The following NCOA3 variants were observed in gnomAD, a reference collection of about 807,000 sequenced individuals.
NCOA3 encodes the protein nuclear receptor coactivator 3, also known as CBP-interacting protein.
A neutral mutation model predicts 158.8 loss-of-function variants in NCOA3; 51 were observed. That is an observed-to-expected ratio of 0.32 (90% CI 0.26 to 0.41). The LOEUF (loss-of-function observed/expected upper bound fraction) is 0.41, where lower values mean the gene tolerates loss of function less well. Ranked by LOEUF, NCOA3 falls within the 10% of genes least tolerant of loss-of-function variation. The pLI is 1.00. For missense variants in NCOA3, 1,510 were observed against 1,746.6 expected (o/e 0.86, Z 2.41); for synonymous variants, 537 against 592.4 (o/e 0.91, Z 1.36).
chr20:47,628,051 C>G, intron 8 of NCOA3, 28 bp downstream of exon 8: 1 of 1,519,024 alleles, frequency 6.6e-7, no homozygotes, highest in Non-Finnish European at 9.1e-7. Context: ...GTCTCTCTCT[C>G]TCTCTGTGTA....
At chr20:47,510,597 A>G (rs2084104826) in intron 1 of NCOA3, among the ~76,000 whole-genome samples, 1 of 151,914 alleles carries the variant, frequency 6.6e-6, no homozygotes, top group Admixed American at 6.6e-5. Flanking sequence ...GACTTTTAAA[A>G]ATTAATTCAA....
chr20:47,639,506 C>T, intron 14 of NCOA3, 71 bp from the exon 15 acceptor site: 2 of 1,564,580 alleles, frequency 1.3e-6, no homozygotes, highest in Admixed American at 1.8e-5. Context: ...TGTATAATGG[C>T]TGTACTTACA....
Position 47,636,343 on chromosome 20 carries a change from G to T in NCOA3, c.1957G>T (p.Val653Phe), listed in dbSNP as rs773689259. 2.5e-6 allele frequency: 4 copies of T among 1,614,142 alleles called. No homozygotes were observed. The South Asian group carries it at 4.4e-5, about 18-fold the overall frequency. Residue 653 changes from valine to phenylalanine, a missense_variant, in exon 12 of 23, where the codon GTC (valine) becomes TTC (phenylalanine). By Grantham distance (50) the Val-to-Phe change is conservative. This residue lies in a region of NCOA3 where 1,017 missense variants were observed against 1,098.3 expected (regional missense o/e 0.93). Coordinates refer to ENST00000371998, the MANE Select transcript of NCOA3 (RefSeq NM_181659.3). Reference protein sequence around the residue: ...DSSCKESSVSVTSPSGVSSST... With the variant: ...DSSCKESSVSFTSPSGVSSST... Reference sequence around the variant, plus strand: ...AAGTTGTAAAGAATCTTCTGTTAGTGTCACCAGCCCCTCTGGAGTCTCCTC... The same window carrying T: ...AAGTTGTAAAGAATCTTCTGTTAGTTTCACCAGCCCCTCTGGAGTCTCCTC...
intron 1 of NCOA3, among the ~76,000 whole-genome samples, chr20:47,514,399 T>A (rs1286326057): frequency 6.6e-6 from 1 of 152,102 alleles, no homozygotes; most frequent in Non-Finnish European, 1.5e-5. Flanking sequence ...ACAAATCTTT[T>A]TTTATTTTTT....
intron 2 of NCOA3, among the ~76,000 whole-genome samples, chr20:47,596,531 C>G (rs1202255815): frequency 6.6e-6 from 1 of 152,146 alleles, no homozygotes. Context: ...TTGATTTTAA[C>G]TGCTAATATA....
At chr20:47,587,601 G>A (rs1411886149) in intron 2 of NCOA3, among the ~76,000 whole-genome samples, 1 of 152,136 alleles carries the variant, frequency 6.6e-6, no homozygotes, top group Non-Finnish European at 1.5e-5. Context: ...TATGCTTTAA[G>A]TCATCTCTAG....
intron 2 of NCOA3, among the ~76,000 whole-genome samples, chr20:47,604,746 A>G (rs962852585): frequency 6.6e-6 from 1 of 152,134 alleles, no homozygotes; most frequent in African/African-American, 2.4e-5. Flanking sequence ...CCAATTCTTT[A>G]TCTCATTAAG....
At chr20:47,512,585 A>C (rs1371577468) in intron 1 of NCOA3, among the ~76,000 whole-genome samples, 1 of 151,486 alleles carries the variant, frequency 6.6e-6, no homozygotes, top group Non-Finnish European at 1.5e-5. Context: ...AAAAAAAAAA[A>C]AAAACACAAA....
In NCOA3 at chr20:47,656,546, C is replaced by CAA. The variant is rs72646217; in HGVS notation, c.*3132_*3133dup. The CAA allele has an allele frequency of 0.12, 18,001 of 152,492 alleles. 1,324 individuals are homozygous for CAA. Among genetic ancestry groups the CAA allele is most frequent in the African/African-American group, 0.2 (8,101 of 41,456 alleles). 9.4% of individuals were successfully genotyped at this position (152,492 alleles called of 1,614,324 possible). Reference sequence around the variant, plus strand: ...TTGTTCACAATTAGGTTCCTAGGAGCAAAACCTCAAGGATTGATTTATTGT... The same window carrying CAA: ...TTGTTCACAATTAGGTTCCTAGGAGCAAAAAACCTCAAGGATTGATTTATTGT... On this transcript the variant is annotated 3_prime_UTR_variant, in exon 23 of 23. Transcript: ENST00000371998.
At chr20:47,632,099 T>G (rs1031207219) in intron 8 of NCOA3, among the ~76,000 whole-genome samples, 2 of 152,232 alleles carry the variant, frequency 1.3e-5, no homozygotes, top group African/African-American at 4.8e-5. Flanking sequence ...CCTGGCCTTC[T>G]GTACTTCTGA....
chr20:47,505,253 G>C lies in NCOA3; in HGVS notation c.-99+3234G>C, dbSNP rs372341582. Among the ~76,000 whole-genome samples the C allele has an allele frequency of 2.4e-4, 36 of 151,628 alleles. No homozygotes were observed. The East Asian group carries it at 6.4e-3, about 27-fold the overall frequency. The stretch of plus-strand genomic sequence containing the variant: ...TTTTTGTATTTTTAGTAGAGACAAA[G>C]TTTACCATGTTGGCCAGGCTGGTCT... On this transcript the variant is annotated intron_variant, in intron 1 of 22. Coordinates refer to ENST00000371998, the MANE Select transcript of NCOA3 (RefSeq NM_181659.3).
chr20:47,588,919 G>A (rs778897613), intron 2 of NCOA3, among the ~76,000 whole-genome samples: 1 of 151,880 alleles, frequency 6.6e-6, no homozygotes, highest in African/African-American at 2.4e-5. Flanking sequence ...ACTGAATTTG[G>A]CTCTTGTCTC....
chr20:47,505,965 C>G (rs1023159646), intron 1 of NCOA3, among the ~76,000 whole-genome samples: 6 of 151,974 alleles, frequency 3.9e-5, no homozygotes, highest in Non-Finnish European at 5.9e-5. Context: ...CCACCATGCC[C>G]GGCTAATTTT....
chr20:47,514,962 G>A (rs2061250557), intron 1 of NCOA3, among the ~76,000 whole-genome samples: 1 of 151,274 alleles, frequency 6.6e-6, no homozygotes, highest in African/African-American at 2.4e-5. Context: ...TGGGATTACA[G>A]GCATGAGCCA....
chr20:47,556,106 C>T (rs1286746704), intron 1 of NCOA3, among the ~76,000 whole-genome samples: 5 of 150,594 alleles, frequency 3.3e-5, no homozygotes, highest in African/African-American at 1.2e-4. Context: ...GGCTAATTTT[C>T]GTATTTTTAT....
Position 47,651,199 on chromosome 20 carries a change from C to T in NCOA3, c.3869C>T (p.Pro1290Leu). The change falls in exon 20 of 23, where the codon CCC (proline) becomes CTC (leucine). Residue 1290 changes from proline to leucine, a missense_variant. Pro to Leu is a moderately conservative substitution (Grantham distance 98). Coordinates refer to ENST00000371998, the MANE Select transcript of NCOA3 (RefSeq NM_181659.3). ...CCACCTCCTAATGTGACTGCTTCCCCCAGCATGGATGGGCTTTTGGCAGGA... is the reference window on the plus strand; with the variant it reads ...CCACCTCCTAATGTGACTGCTTCCCTCAGCATGGATGGGCTTTTGGCAGGA... ...FSPPPNVTASPSMDGLLAGPT... is the reference protein window; with the variant it reads ...FSPPPNVTASLSMDGLLAGPT... The T allele has an allele frequency of 6.2e-7, 1 of 1,614,102 alleles. No individual in the cohort carries two copies. The highest frequency in any genetic ancestry group is 8.5e-7 in the Non-Finnish European group (1 of 1,179,994).
intron 1 of NCOA3, among the ~76,000 whole-genome samples, chr20:47,526,716 G>A (rs959120014): frequency 2.6e-5 from 4 of 152,222 alleles, no homozygotes; most frequent in African/African-American, 7.2e-5. Flanking sequence ...CAGCAGTACC[G>A]TCCAGCTTCG....
chr20:47,637,775 A>C lies in NCOA3; in HGVS notation c.2504A>C (p.Asn835Thr), dbSNP rs1295060208. 1 of 1,591,740 alleles carries C rather than the reference A, an allele frequency of 6.3e-7. No individual in the cohort carries two copies. The highest frequency in any genetic ancestry group is 1.8e-5 in the Admixed American group (1 of 54,872). Reference sequence around the variant, plus strand: ...AAGCAACAGGTGTTTCAAGGAACTAATTCTCTGGGTAAGAATGAACTAGGT... The same window carrying C: ...AAGCAACAGGTGTTTCAAGGAACTACTTCTCTGGGTAAGAATGAACTAGGT... The part of the protein sequence containing the change: ...GTKQQVFQGT[N>T]SLGLKSSQSV... Residue 835 changes from asparagine (N) to threonine (T), a missense_variant, in exon 13 of 23, where the codon AAT (asparagine) becomes ACT (threonine). By Grantham distance (65) the Asn-to-Thr change is moderately conservative. This residue lies in a region of NCOA3 where 1,017 missense variants were observed against 1,098.3 expected (regional missense o/e 0.93). Transcript: ENST00000371998.
intron 2 of NCOA3, among the ~76,000 whole-genome samples, chr20:47,609,335 T>G (rs1377008390): frequency 2.0e-5 from 3 of 152,200 alleles, no homozygotes; most frequent in Non-Finnish European, 4.4e-5. Flanking sequence ...TGAAGTAGGT[T>G]TTGGTTTTAA....
Sources: allele counts gnomAD v4.1 joint callset (sites outside exome capture counted in the v4.1 genomes callset), GRCh38; gene constraint gnomAD v4.1.1; regional missense constraint gnomAD v4.1.1; transcripts MANE v1.5; gene names NCBI Gene and HGNC (gene_info 2026-07-23, HGNC 2026-07-21).